Variants in MAMDC2 observed in about 807,000 individuals in gnomAD.
MAMDC2 encodes the protein MAM domain containing 2, also known as MAM domain-containing protein 2.
A neutral mutation model predicts 89.8 loss-of-function variants in MAMDC2; 57 were observed. The observed-to-expected ratio is 0.63, with a 90% confidence interval of 0.51 to 0.79. MAMDC2 has a LOEUF of 0.79. Among genes scored for constraint, MAMDC2 ranks in the 30% least tolerant of loss-of-function variants. MAMDC2 has a pLI of 0.00. For synonymous variants in MAMDC2, 313 were observed against 293.4 expected (o/e 1.07, Z -0.68); for missense variants, 800 against 820.6 (o/e 0.97, Z 0.31).
intron 1 of MAMDC2, 77 bp downstream of exon 1, chr9:70,044,308 G>A (rs998798735): frequency 2.1e-5 from 32 of 1,497,948 alleles, no homozygotes; most frequent in Non-Finnish European, 2.7e-5. Context: ...CGGGGGTCCG[G>A]CTCACCGTGC....
At chr9:70,132,387 G>A (rs940018375) in intron 7 of MAMDC2, among the ~76,000 whole-genome samples, 10 of 152,102 alleles carry the variant, frequency 6.6e-5, no homozygotes, top group Admixed American at 6.5e-4. Flanking sequence ...TGGTCACCCC[G>A]CCTTATTAGT....
intron 2 of MAMDC2, among the ~76,000 whole-genome samples, chr9:70,089,672 T>A (rs781148643): frequency 1.3e-4 from 20 of 152,292 alleles, no homozygotes; most frequent in Non-Finnish European, 2.9e-5. Flanking sequence ...ATACACCAAA[T>A]ACAAACTCCA....
At chr9:70,170,184 C>T in intron 10 of MAMDC2, 1 of 331,386 alleles carries the variant, frequency 3.0e-6, no homozygotes. Flanking sequence ...ATTTCCAGAG[C>T]TTTATAAAAA....
intron 9 of MAMDC2, among the ~76,000 whole-genome samples, chr9:70,161,732 A>G (rs974621120): frequency 6.6e-6 from 1 of 152,218 alleles, no homozygotes; most frequent in African/African-American, 2.4e-5. Context: ...AGTTAAATGA[A>G]TGCAATTACA....
intron 7 of MAMDC2, among the ~76,000 whole-genome samples, chr9:70,139,238 A>C (rs1031490476): frequency 6.9e-6 from 1 of 144,944 alleles, no homozygotes; most frequent in Non-Finnish European, 1.5e-5. Flanking sequence ...GTCATTTAGC[A>C]TTAGGTATAT....
At chr9:70,136,243 C>A (rs1563970025) in intron 7 of MAMDC2, among the ~76,000 whole-genome samples, 1 of 152,108 alleles carries the variant, frequency 6.6e-6, no homozygotes, top group Non-Finnish European at 1.5e-5. Flanking sequence ...TTTTACTGTC[C>A]CCATAGTTTT....
chr9:70,134,221 G>A (rs73647414), intron 7 of MAMDC2, among the ~76,000 whole-genome samples: 138 of 151,980 alleles, frequency 9.1e-4, no homozygotes, highest in African/African-American at 3.0e-3. Context: ...CCAGTCTCCC[G>A]GACCTGAGAC....
chr9:70,185,337 T>C (rs2032730544), intron 11 of MAMDC2, among the ~76,000 whole-genome samples: 1 of 152,176 alleles, frequency 6.6e-6, no homozygotes, highest in African/African-American at 2.4e-5. Context: ...GGGAGGTCTC[T>C]TCCAGTCAGG....
chr9:70,171,880 A>G (rs998171452), intron 11 of MAMDC2: 2 of 152,254 alleles, frequency 1.3e-5, no homozygotes, highest in African/African-American at 4.8e-5. Flanking sequence ...GAAAGTTTAC[A>G]AATTTGTGTT....
chr9:70,199,890 A>G (rs1233493404), intron 11 of MAMDC2, among the ~76,000 whole-genome samples: 1 of 151,034 alleles, frequency 6.6e-6, no homozygotes, highest in Admixed American at 6.6e-5. Context: ...CCACTTTTTG[A>G]TGGGGTTGTT....
Position 70,218,408 on chromosome 9 carries a change from C to A in MAMDC2, c.1723C>A (p.Arg575=). 1 of 1,614,120 alleles carries A rather than the reference C, an allele frequency of 6.2e-7. No individual in the cohort carries two copies. Among genetic ancestry groups the A allele is most frequent in the Non-Finnish European group, 8.5e-7 (1 of 1,180,002 alleles). Residue 575 remains arginine (R), a synonymous_variant, in exon 12 of 14, where the codon CGA becomes AGA. Transcript: ENST00000377182. ...QKARLLSRPL[R]GVSGKHCLTF... ...AGCACGCCTCTTGTCCAGGCCTCTG[C>A]GAGGAGTCTCTGGAAAACACTGCTT...
chr9:70,114,987 A>G (rs1408890458), intron 5 of MAMDC2, among the ~76,000 whole-genome samples: 1 of 152,194 alleles, frequency 6.6e-6, no homozygotes, highest in Non-Finnish European at 1.5e-5. Flanking sequence ...GAGCAATGAT[A>G]CAGTGGTTGT....
chr9:70,144,129 T>C (rs1243615922), intron 9 of MAMDC2, among the ~76,000 whole-genome samples: 1 of 149,890 alleles, frequency 6.7e-6, no homozygotes, highest in African/African-American at 2.5e-5. Flanking sequence ...TTTGAAACTT[T>C]AGTCATAATT....
intron 11 of MAMDC2, among the ~76,000 whole-genome samples, chr9:70,179,572 A>G (rs1452511994): frequency 6.6e-6 from 1 of 150,578 alleles, no homozygotes; most frequent in African/African-American, 2.4e-5. Flanking sequence ...AATAAGGCAT[A>G]GATTCCCTTA....
chr9:70,063,950 C>T (rs1318822148), intron 2 of MAMDC2, among the ~76,000 whole-genome samples: 1 of 151,944 alleles, frequency 6.6e-6, no homozygotes. Flanking sequence ...AAATGGAAGC[C>T]ACCTGAAAAA....
chr9:70,134,026 C>T (rs73451425), intron 7 of MAMDC2, among the ~76,000 whole-genome samples: 2,309 of 152,266 alleles, frequency 0.015, 48 homozygotes, highest in African/African-American at 0.052. Context: ...ATAGTTTATG[C>T]CCTTCTGTTT....
At chr9:70,192,568 T>C (rs575348501) in intron 11 of MAMDC2, among the ~76,000 whole-genome samples, 12 of 152,244 alleles carry the variant, frequency 7.9e-5, no homozygotes, top group Admixed American at 2.6e-4. Flanking sequence ...AATTTATATT[T>C]ATATTGCCTT....
At chr9:70,072,905 G>A (rs553979187) in intron 2 of MAMDC2, among the ~76,000 whole-genome samples, 14 of 151,980 alleles carry the variant, frequency 9.2e-5, no homozygotes, top group African/African-American at 2.4e-4. Context: ...GTGCAATCTC[G>A]GCTCACTGCA....
chr9:70,094,672 A>G (rs1367071976), intron 2 of MAMDC2, among the ~76,000 whole-genome samples: 4 of 152,210 alleles, frequency 2.6e-5, no homozygotes, highest in Non-Finnish European at 5.9e-5. Flanking sequence ...AAACAAGACT[A>G]CCATCAGGAA....
Sources: gnomAD v4.1 joint callset for allele counts (sites outside exome capture counted in the v4.1 genomes callset) on GRCh38, gnomAD v4.1.1 for gene constraint, MANE v1.5 for transcripts, NCBI Gene and HGNC (gene_info 2026-07-23, HGNC 2026-07-21) for gene names.